The following SYNJ2 variants were observed in gnomAD, a reference collection of about 807,000 sequenced individuals.
SYNJ2 encodes the protein synaptojanin 2, also known as polyphosphatidylinositol phosphatase SYNJ2.
Under a neutral mutation model 141.3 loss-of-function variants are expected in SYNJ2, and 116 were observed. The ratio of observed to expected loss-of-function variants is 0.82; its 90% CI spans 0.71 to 0.96. The LOEUF (loss-of-function observed/expected upper bound fraction) is 0.96, where lower values mean the gene tolerates loss of function less well. SYNJ2 is among the 40% of genes least tolerant of loss of function. The probability of loss-of-function intolerance (pLI) is 0.00; values close to 1 mark genes in which losing one functional copy is unlikely to be tolerated. For missense variants in SYNJ2, 1,873 were observed against 1,934.8 expected (o/e 0.97, Z 0.60); for synonymous variants, 745 against 777.7 (o/e 0.96, Z 0.70).
chr6:158,076,973 CT>C lies in SYNJ2; in HGVS notation c.2449+192del, dbSNP rs201692373. Among the ~76,000 whole-genome samples, 1,509 of 152,070 alleles carry C rather than the reference CT, an allele frequency of 9.9e-3. 28 individuals carry two copies. The highest frequency in any genetic ancestry group is 0.034 in the African/African-American group (1,412 of 41,472). ...TTGTGCTTTCAGGGAGCCTCTGCTT[CT>C]GGCCTCTTTTTTTCCCTTTTCTTTT... is the stretch of plus-strand genomic sequence containing the variant. On this transcript the variant is annotated intron_variant, in intron 17 of 26. Coordinates refer to ENST00000355585, the MANE Select transcript of SYNJ2 (RefSeq NM_003898.4).
At chr6:158,005,232 G>A (rs543534310) in intron 1 of SYNJ2, among the ~76,000 whole-genome samples, 2 of 152,000 alleles carry the variant, frequency 1.3e-5, no homozygotes, top group Non-Finnish European at 2.9e-5. Flanking sequence ...TGCCCGCAAC[G>A]ACGCCCGGCT....
At chr6:158,026,946 A>T (rs1239351342) in intron 2 of SYNJ2, 1 of 985,256 alleles carries the variant, frequency 1.0e-6, no homozygotes, top group Non-Finnish European at 1.2e-6. Context: ...CCCTGTCCCC[A>T]GTGTGATAAC....
At chr6:158,063,204 A>G (rs1019902320) in intron 8 of SYNJ2, among the ~76,000 whole-genome samples, 1 of 152,168 alleles carries the variant, frequency 6.6e-6, no homozygotes. Flanking sequence ...CTACAACTTT[A>G]TAGAACATAA....
chr6:158,073,735 C>T (rs1782086197), intron 15 of SYNJ2, among the ~76,000 whole-genome samples: 1 of 151,778 alleles, frequency 6.6e-6, no homozygotes, highest in Non-Finnish European at 1.5e-5. Flanking sequence ...TTGGTTGGGA[C>T]CTGTTTAATC....
intron 13 of SYNJ2, 103 bp from the exon 14 acceptor site, chr6:158,069,430 C>T (rs1562379160): frequency 7.2e-7 from 1 of 1,395,972 alleles, no homozygotes. Context: ...AGCGTGAAAT[C>T]AGTTCTGCAA....
intron 3 of SYNJ2, among the ~76,000 whole-genome samples, chr6:158,031,666 A>T (rs1779370949): frequency 6.6e-6 from 1 of 151,900 alleles, no homozygotes; most frequent in South Asian, 2.1e-4. Context: ...GTCAACGCTC[A>T]GCGTGGCTGG....
chr6:158,013,376 CAAAAA>C (rs895567574), intron 1 of SYNJ2, among the ~76,000 whole-genome samples: 1 of 149,250 alleles, frequency 6.7e-6, no homozygotes, highest in African/African-American at 2.5e-5. Flanking sequence ...GCGAGACTGT[CAAAAA>C]AAAAATTGCA....
chr6:158,017,146 G>T, intron 1 of SYNJ2, 58 bp from the exon 2 acceptor site: 1 of 1,582,372 alleles, frequency 6.3e-7, no homozygotes, highest in Non-Finnish European at 8.6e-7. Flanking sequence ...GGGTGTGAAT[G>T]AACAGGAATG....
At chr6:158,031,264 G>A (rs1384788216) in intron 3 of SYNJ2, among the ~76,000 whole-genome samples, 2 of 152,194 alleles carry the variant, frequency 1.3e-5, no homozygotes, top group Admixed American at 1.3e-4. Flanking sequence ...CGGCAGTGAG[G>A]GTCCTTGGAA....
rs1489200165 is a variant in SYNJ2 at position 158,098,979 on chromosome 6, CT to C, written c.*2616del. 3 of 152,204 alleles carry C rather than the reference CT, an allele frequency of 2.0e-5. No homozygotes were observed. Among genetic ancestry groups the C allele is most frequent in the African/African-American group, 7.2e-5 (3 of 41,448 alleles). 9.4% of individuals were successfully genotyped at this position (152,204 alleles called of 1,614,324 possible). On this transcript the variant is annotated 3_prime_UTR_variant, in exon 27 of 27. Transcript: ENST00000355585. ...GAAGTTCAAGGCACATAATAAAATT[CT>C]CCCTGATGTGTGTGTAAGTATAAAC...
chr6:158,058,887 C>T (rs1191371475), intron 6 of SYNJ2, among the ~76,000 whole-genome samples: 1 of 152,202 alleles, frequency 6.6e-6, no homozygotes, highest in African/African-American at 2.4e-5. Context: ...GAGCTATGAT[C>T]GTGCCACTGC....
intron 23 of SYNJ2, among the ~76,000 whole-genome samples, chr6:158,088,457 A>G (rs1783222790): frequency 6.6e-6 from 1 of 152,126 alleles, no homozygotes. Context: ...ATAGGCACAC[A>G]CTGGTAGAAT....
At chr6:158,082,874 T>C (rs1193283887) in intron 20 of SYNJ2, among the ~76,000 whole-genome samples, 1 of 152,200 alleles carries the variant, frequency 6.6e-6, no homozygotes, top group Non-Finnish European at 1.5e-5. Context: ...CATAGATAGT[T>C]TCCGTTTTTA....
rs565768137 is a variant in SYNJ2, at chr6:158,028,609, T to G, written c.215-147T>G. 66 of 1,049,266 alleles carry G rather than the reference T, an allele frequency of 6.3e-5. No individual in the cohort carries two copies. The East Asian group carries it at 8.4e-4, about 13-fold the overall frequency. The allele number at this position is 1,049,266 out of a possible 1,614,324, so 65.0% of individuals were successfully genotyped here. A position where few individuals can be genotyped will look rare whatever the true frequency, so the allele number is the denominator to read the frequency against. On this transcript the variant is annotated intron_variant, in intron 2 of 26. Transcript: ENST00000355585. ...AGGACAGGGCAGGTTCTTGAGCCAT[T>G]GAGTTGGGCAATGCCATGGGAAGTT...
rs565614969 is a variant in SYNJ2, at chr6:158,052,102, T to G, written c.796-2865T>G. 7.2e-5 allele frequency among the ~76,000 whole-genome samples: 11 copies of G among 152,372 alleles called. No homozygotes were observed. The South Asian group carries it at 2.3e-3, about 32-fold the overall frequency. ...TGGGGCAGTTGTATCACCTGCAGTG[T>G]TGAGTTATACAATGATACATGAAGC... On this transcript the variant is annotated intron_variant, in intron 5 of 26. Transcript: ENST00000355585.
At chr6:158,022,484 T>TA (rs1778830531) in intron 2 of SYNJ2, among the ~76,000 whole-genome samples, 3 of 152,318 alleles carry the variant, frequency 2.0e-5, no homozygotes, top group South Asian at 4.1e-4. Flanking sequence ...CACCTCACTC[T>TA]GGCAGCTCCC....
At chr6:158,048,802 A>C (rs1286559042) in intron 5 of SYNJ2, among the ~76,000 whole-genome samples, 1 of 152,086 alleles carries the variant, frequency 6.6e-6, no homozygotes, top group Non-Finnish European at 1.5e-5. Context: ...CTTTCAACCT[A>C]CGGCTCCACA....
chr6:158,067,683 C>T, intron 12 of SYNJ2: 1 of 985,434 alleles, frequency 1.0e-6, no homozygotes, highest in Non-Finnish European at 1.2e-6. Flanking sequence ...TCATGCCCCA[C>T]AGCTGCCTGG....
At chr6:158,074,465 C>A in intron 15 of SYNJ2, 115 bp from the exon 16 acceptor site, 1 of 1,194,154 alleles carries the variant, frequency 8.4e-7, no homozygotes, top group Non-Finnish European at 1.2e-6. Flanking sequence ...TTTCTTTTTT[C>A]TAAGTAGCAT....
Sources: gnomAD v4.1 joint callset for allele counts (sites outside exome capture counted in the v4.1 genomes callset) on GRCh38, gnomAD v4.1.1 for gene constraint, MANE v1.5 for transcripts, NCBI Gene and HGNC (gene_info 2026-07-23, HGNC 2026-07-21) for gene names.